Variants in ALMS1 observed in about 807,000 individuals in gnomAD.
ALMS1 encodes centrosome-associated protein ALMS1.
In ALMS1, 271 loss-of-function variants were observed where a neutral mutation model predicts 352.2. The observed-to-expected ratio is 0.77, with a 90% CI of 0.70 to 0.85. ALMS1 has a LOEUF of 0.85. Among genes scored for constraint, ALMS1 ranks in the 40% least tolerant of loss-of-function variants. ALMS1 has a pLI of 0.00. For missense variants in ALMS1, 5,445 were observed against 4,870.7 expected (o/e 1.12, Z -3.51); for synonymous variants, 1,865 against 1,761.2 (o/e 1.06, Z -1.48).
intron 21 of ALMS1, 123 bp downstream of exon 21, chr2:73,603,427 TGA>T: frequency 1.1e-6 from 1 of 876,470 alleles, no homozygotes; most frequent in Non-Finnish European, 1.9e-6. Flanking sequence ...GAGAAAGTTG[TGA>T]GAGTCATTTC....
intron 15 of ALMS1, among the ~76,000 whole-genome samples, chr2:73,561,832 T>A (rs924749924): frequency 6.6e-6 from 1 of 152,142 alleles, no homozygotes; most frequent in Non-Finnish European, 1.5e-5. Flanking sequence ...GATGGAAATA[T>A]AATCTGTAAA....
intron 9 of ALMS1, among the ~76,000 whole-genome samples, chr2:73,477,590 G>A (rs1672608546): frequency 6.6e-6 from 1 of 151,848 alleles, no homozygotes. Flanking sequence ...AGTTTAGGAA[G>A]TATTAATCTT....
intron 12 of ALMS1, among the ~76,000 whole-genome samples, chr2:73,541,606 T>C (rs1323735468): frequency 6.6e-6 from 1 of 151,926 alleles, no homozygotes; most frequent in African/African-American, 2.4e-5. Context: ...ATCAACAAAA[T>C]TGATAGACTG....
At chr2:73,506,190 G>A (rs1430842999) in intron 10 of ALMS1, among the ~76,000 whole-genome samples, 1 of 152,148 alleles carries the variant, frequency 6.6e-6, no homozygotes, top group East Asian at 1.9e-4. Flanking sequence ...GGTTCCCGTA[G>A]CCTTGTAGTA....
At chr2:73,540,555 C>T (rs148763596) in intron 12 of ALMS1, among the ~76,000 whole-genome samples, 12,185 of 152,048 alleles carry the variant, frequency 0.08, 1,235 homozygotes, top group African/African-American at 0.23. Flanking sequence ...GACTAAATGC[C>T]CCAATTAAAA....
intron 7 of ALMS1, among the ~76,000 whole-genome samples, chr2:73,441,927 G>T (rs2103757829): frequency 6.6e-6 from 1 of 152,176 alleles, no homozygotes; most frequent in East Asian, 1.9e-4. Flanking sequence ...ATCATATGGG[G>T]GAAGTGAGGT....
intron 1 of ALMS1, among the ~76,000 whole-genome samples, chr2:73,396,867 A>G (rs981230742): frequency 3.9e-5 from 6 of 151,962 alleles, no homozygotes; most frequent in Admixed American, 2.0e-4. Context: ...GATGGTCTCG[A>G]TCTCCTGACC....
intron 16 of ALMS1, among the ~76,000 whole-genome samples, chr2:73,592,988 C>T (rs149082467): frequency 1.8e-4 from 28 of 152,242 alleles, no homozygotes; most frequent in African/African-American, 6.3e-4. Flanking sequence ...CAAGAGAAAG[C>T]CTAACCCATG....
chr2:73,485,782 C>T (rs538760963), intron 9 of ALMS1, among the ~76,000 whole-genome samples: 153 of 152,234 alleles, frequency 1.0e-3, no homozygotes, highest in African/African-American at 3.5e-3. Flanking sequence ...CGTGGTGCGC[C>T]GTTTTTTAAG....
In ALMS1 at chr2:73,490,167, T is replaced by C; in HGVS notation, c.8208T>C (p.Val2736=). Residue 2736 remains valine (V), a synonymous_variant, in exon 10 of 23, where the codon GTT becomes GTC. Coordinates refer to ENST00000613296, the MANE Select transcript of ALMS1 (RefSeq NM_001378454.1). ...ISNSSVVKVG[V]TEGSQCTGAS... The stretch of plus-strand genomic sequence containing the variant: ...ATTCCTCTGTTGTTAAGGTTGGTGT[T>C]ACTGAAGGTAGCCAGTGTACTGGAG... The C allele has an allele frequency of 6.2e-7, 1 of 1,614,220 alleles. No homozygotes were observed. Among genetic ancestry groups the C allele is most frequent in the Non-Finnish European group, 8.5e-7 (1 of 1,180,036 alleles).
rs146234123 is a variant in ALMS1, at chr2:73,448,460, C to G, written c.1933C>G (p.Pro645Ala). The G allele has an allele frequency of 2.1e-5, 34 of 1,612,800 alleles. No individual in the cohort carries two copies. In the East Asian group the frequency reaches 2.9e-4, roughly 14 times the overall value. The change falls in exon 8 of 23, where the codon CCT (proline) becomes GCT (alanine). Residue 645 changes from proline to alanine, a missense_variant. By Grantham distance (27) the Pro-to-Ala change is conservative. Transcript: ENST00000613296. ...ELPESNLTEE[P>A]LEVSAAPGPV... ...ACCAGAGAGTAACTTAACCGAAGAG[C>G]CTTTGGAAGTTTCAGCTGCTCCTGG...
Position 73,450,989 on chromosome 2 carries a change from C to G in ALMS1, c.4462C>G (p.Gln1488Glu). 1 of 1,614,056 alleles carries G rather than the reference C, an allele frequency of 6.2e-7. No individual in the cohort carries two copies. The highest frequency in any genetic ancestry group is 8.5e-7 in the Non-Finnish European group (1 of 1,179,970). ...AGAGAAGCCCATTGTTATCTACAAA[C>G]AGGCCTTTCCAGAGGGTCATCTACC... Reference protein sequence around the residue: ...FGEKPIVIYKQAFPEGHLPEE... With the variant: ...FGEKPIVIYKEAFPEGHLPEE... Residue 1488 changes from glutamine to glutamate, a missense_variant, in exon 8 of 23, where the codon CAG (glutamine) becomes GAG (glutamate). Coordinates refer to ENST00000613296, the MANE Select transcript of ALMS1 (RefSeq NM_001378454.1).
chr2:73,455,206 A>T lies in ALMS1; in HGVS notation c.7585A>T (p.Ile2529Phe). 6.2e-7 allele frequency: 1 copy of T among 1,613,486 alleles called. No homozygotes were observed. Among genetic ancestry groups the T allele is most frequent in the Non-Finnish European group, 8.5e-7 (1 of 1,179,802 alleles). ...FNLAHDCGYS[I>F]SELNEDDRRK... ...TTTAGCACATGATTGTGGATACTCC[A>T]TTTCAGAATTAAATGAAGATGACAG... The change falls in exon 9 of 23, where the codon ATT (isoleucine) becomes TTT (phenylalanine). Residue 2529 changes from isoleucine (I) to phenylalanine (F), a missense_variant. By Grantham distance (21) the Ile-to-Phe change is conservative. Transcript: ENST00000613296.
intron 11 of ALMS1, among the ~76,000 whole-genome samples, chr2:73,530,495 C>T (rs1297431354): frequency 1.3e-5 from 2 of 152,226 alleles, no homozygotes; most frequent in East Asian, 3.8e-4. Context: ...GGGCACAGCT[C>T]CCACAGCTAC....
rs764898803 is a variant in ALMS1, at chr2:73,453,882, CCAAGA to C, written c.7360_7364del (p.Thr2454TyrfsTer4). The C allele has an allele frequency of 6.2e-7, 1 of 1,613,986 alleles. No homozygotes were observed. Among genetic ancestry groups the C allele is most frequent in the South Asian group, 1.1e-5 (1 of 91,074 alleles). ...CTAAACTTCTTTCCATATGTTTCAC[CCAAGA>C]CAAGTATAACAGATAGCAGGGAGGA... On this transcript the variant is annotated frameshift_variant, in exon 8 of 23. Transcript: ENST00000613296. LOFTEE classifies it high-confidence loss of function.
chr2:73,456,451 G>C (rs1672060754), intron 9 of ALMS1, among the ~76,000 whole-genome samples: 1 of 152,152 alleles, frequency 6.6e-6, no homozygotes, highest in South Asian at 2.1e-4. Flanking sequence ...GCCTATCGTA[G>C]AGGGTTTTGG....
intron 12 of ALMS1, among the ~76,000 whole-genome samples, chr2:73,540,425 G>T (rs1674146971): frequency 6.6e-6 from 1 of 152,156 alleles, no homozygotes; most frequent in Non-Finnish European, 1.5e-5. Context: ...ATGCCAAATT[G>T]TAAAGACCAT....
chr2:73,405,867 C>A (rs1408616964), intron 1 of ALMS1, among the ~76,000 whole-genome samples: 1 of 152,096 alleles, frequency 6.6e-6, no homozygotes, highest in Non-Finnish European at 1.5e-5. Flanking sequence ...TGATTTTCCA[C>A]TTTTCTTTCT....
intron 13 of ALMS1, among the ~76,000 whole-genome samples, chr2:73,554,086 CTT>C (rs1350844930): frequency 6.6e-6 from 1 of 152,026 alleles, no homozygotes; most frequent in Non-Finnish European, 1.5e-5. Flanking sequence ...AACTATTTGA[CTT>C]TTAAAACATA....
Sources: gnomAD v4.1 joint callset for allele counts (sites outside exome capture counted in the v4.1 genomes callset) on GRCh38, gnomAD v4.1.1 for gene constraint, MANE v1.5 for transcripts, NCBI Gene and HGNC (gene_info 2026-07-23, HGNC 2026-07-21) for gene names.